Variants in GLCCI1 observed in about 807,000 individuals in gnomAD.
GLCCI1 encodes glucocorticoid induced 1.
Under a neutral mutation model 52.2 loss-of-function variants are expected in GLCCI1, and 24 were observed. The ratio of observed to expected loss-of-function variants is 0.46; its 90% CI spans 0.33 to 0.65. The LOEUF (loss-of-function observed/expected upper bound fraction) is 0.65. Among genes scored for constraint, GLCCI1 ranks in the 30% least tolerant of loss-of-function variants. GLCCI1 has a pLI of 0.02. For missense variants in GLCCI1, 704 were observed against 701.5 expected (o/e 1.00, Z -0.04); for synonymous variants, 310 against 276.5 (o/e 1.12, Z -1.20).
At chr7:8,073,968 T>C (rs1280993118) in intron 6 of GLCCI1, among the ~76,000 whole-genome samples, 1 of 152,238 alleles carries the variant, frequency 6.6e-6, no homozygotes, top group Non-Finnish European at 1.5e-5. Context: ...AAATACCATC[T>C]TTATAAAGAG....
intron 1 of GLCCI1, among the ~76,000 whole-genome samples, chr7:8,002,272 A>G (rs973962554): frequency 1.3e-5 from 2 of 151,446 alleles, no homozygotes; most frequent in African/African-American, 2.4e-5. Context: ...CCTATATTCT[A>G]TAATTTAATT....
intron 2 of GLCCI1, among the ~76,000 whole-genome samples, chr7:8,007,075 A>G (rs115187403): frequency 2.6e-5 from 4 of 152,100 alleles, no homozygotes; most frequent in African/African-American, 9.7e-5. Context: ...CTCTTATCCC[A>G]TGGGGAGGGG....
At chr7:8,068,881 A>C (rs537623974) in intron 5 of GLCCI1, among the ~76,000 whole-genome samples, 1 of 152,312 alleles carries the variant, frequency 6.6e-6, no homozygotes, top group South Asian at 2.1e-4. Context: ...CCTTAGTTTC[A>C]CAGGAGGGTT....
chr7:8,029,962 A>G (rs1781709985), intron 3 of GLCCI1, among the ~76,000 whole-genome samples: 1 of 152,214 alleles, frequency 6.6e-6, no homozygotes, highest in South Asian at 2.1e-4. Flanking sequence ...TATTGTTAAA[A>G]TGTCTATTCT....
intron 3 of GLCCI1, among the ~76,000 whole-genome samples, chr7:8,039,852 C>T (rs1240167996): frequency 1.3e-5 from 2 of 151,964 alleles, no homozygotes; most frequent in Admixed American, 6.6e-5. Context: ...CAAAAATTAG[C>T]TTGGCATGGT....
chr7:8,002,084 T>G (rs1055255072), intron 1 of GLCCI1, among the ~76,000 whole-genome samples: 2 of 151,958 alleles, frequency 1.3e-5, no homozygotes, highest in African/African-American at 4.8e-5. Context: ...ACCCTAGAAC[T>G]TAAAGTATAC....
At chr7:8,051,516 T>C (rs545454838) in intron 3 of GLCCI1, among the ~76,000 whole-genome samples, 52 of 152,236 alleles carry the variant, frequency 3.4e-4, no homozygotes, top group Non-Finnish European at 6.2e-4. Flanking sequence ...AGCTGTTACC[T>C]TGAGTGACTT....
At chr7:8,031,450 A>G (rs1017601497) in intron 3 of GLCCI1, among the ~76,000 whole-genome samples, 1 of 152,080 alleles carries the variant, frequency 6.6e-6, no homozygotes, top group African/African-American at 2.4e-5. Context: ...TGGGGGAAAA[A>G]GTTGGAAAGA....
intron 3 of GLCCI1, among the ~76,000 whole-genome samples, chr7:8,027,386 G>A (rs959950621): frequency 6.6e-6 from 1 of 152,132 alleles, no homozygotes; most frequent in Non-Finnish European, 1.5e-5. Context: ...TACTGGGGAG[G>A]CTGAGGCGCA....
At chr7:8,073,256 T>C (rs1782802742) in intron 6 of GLCCI1, among the ~76,000 whole-genome samples, 1 of 152,150 alleles carries the variant, frequency 6.6e-6, no homozygotes, top group Non-Finnish European at 1.5e-5. Context: ...GTCACCTTTA[T>C]TATCACCTGT....
intron 3 of GLCCI1, among the ~76,000 whole-genome samples, chr7:8,023,802 T>C (rs1173858600): frequency 6.6e-6 from 1 of 151,868 alleles, no homozygotes; most frequent in Non-Finnish European, 1.5e-5. Flanking sequence ...TTTTGCCATA[T>C]TGGCCAGGCT....
At chr7:8,030,899 G>C (rs760079448) in intron 3 of GLCCI1, among the ~76,000 whole-genome samples, 3 of 152,070 alleles carry the variant, frequency 2.0e-5, no homozygotes, top group Admixed American at 6.6e-5. Context: ...ATGCTATTGA[G>C]AATGTGGAGA....
At chr7:8,003,015 G>A (rs750905277) in intron 1 of GLCCI1, among the ~76,000 whole-genome samples, 5 of 152,100 alleles carry the variant, frequency 3.3e-5, no homozygotes, top group East Asian at 3.8e-4. Context: ...CAAATTCTTC[G>A]TCTGTGAATG....
Position 7,969,623 on chromosome 7 carries a change from G to A in GLCCI1, c.273G>A (p.Ser91=), listed in dbSNP as rs1373505579. 6 of 1,023,420 alleles carry A rather than the reference G, an allele frequency of 5.9e-6. No individual in the cohort carries two copies. Among genetic ancestry groups the A allele is most frequent in the Non-Finnish European group, 7.0e-6 (6 of 858,050 alleles). The allele number at this position is 1,023,420 out of a possible 1,614,324, so 63.4% of individuals were successfully genotyped here. A position where few individuals can be genotyped will look rare whatever the true frequency, so the allele number is the denominator to read the frequency against. ...TRPPVAAAAA[S]LGSLPGPGAA... ...CGCCCGTCGCCGCTGCCGCCGCCTC[G>A]CTGGGCAGCCTCCCGGGGCCCGGCG... Residue 91 remains serine (S), a synonymous_variant, in exon 1 of 8, where the codon TCG becomes TCA. Coordinates refer to ENST00000223145, the MANE Select transcript of GLCCI1 (RefSeq NM_138426.4). The surrounding 1 kb of genome is among the most constrained non-coding windows in gnomAD (Gnocchi z 4.9).
chr7:8,012,980 T>C (rs980605420), intron 2 of GLCCI1, among the ~76,000 whole-genome samples: 10 of 152,202 alleles, frequency 6.6e-5, no homozygotes, highest in Admixed American at 5.9e-4. Flanking sequence ...CTTCGTTCTT[T>C]TGGATGTGAA....
intron 3 of GLCCI1, among the ~76,000 whole-genome samples, chr7:8,048,711 A>G (rs1366554519): frequency 6.6e-6 from 1 of 152,234 alleles, no homozygotes; most frequent in Non-Finnish European, 1.5e-5. Flanking sequence ...AGCAGAAGGT[A>G]TAAGACTCCT....
chr7:8,065,733 T>C (rs1227208783), intron 5 of GLCCI1, among the ~76,000 whole-genome samples: 1 of 152,230 alleles, frequency 6.6e-6, no homozygotes, highest in Non-Finnish European at 1.5e-5. Context: ...CAACATTGCA[T>C]CCCAGGGATA....
intron 2 of GLCCI1, among the ~76,000 whole-genome samples, chr7:8,020,503 A>G (rs1781461678): frequency 6.6e-6 from 1 of 152,232 alleles, no homozygotes; most frequent in East Asian, 1.9e-4. Flanking sequence ...AAGAGAACTC[A>G]GATTTAGTTC....
At chr7:8,003,371 G>A (rs1781083497) in intron 1 of GLCCI1, among the ~76,000 whole-genome samples, 1 of 152,112 alleles carries the variant, frequency 6.6e-6, no homozygotes, top group South Asian at 2.1e-4. Flanking sequence ...TTTTACCTTT[G>A]GAAAAACACA....
Sources: gnomAD v4.1 joint callset for allele counts (sites outside exome capture counted in the v4.1 genomes callset) on GRCh38, gnomAD v4.1.1 for gene constraint, Gnocchi (gnomAD v3.1) non-coding constraint, MANE v1.5 for transcripts, NCBI Gene and HGNC (gene_info 2026-07-23, HGNC 2026-07-21) for gene names.